The following ATP6V0A4 variants were observed in gnomAD, a reference collection of about 807,000 sequenced individuals.
ATP6V0A4 encodes the protein ATPase H+ transporting V0 subunit a4.
ATP6V0A4 carries 86 observed loss-of-function variants against 107.3 expected under a neutral mutation model. The ratio of observed to expected loss-of-function variants is 0.80; its 90% confidence interval spans 0.67 to 0.96. The LOEUF is 0.96. Among genes scored for constraint, ATP6V0A4 ranks in the 40% least tolerant of loss-of-function variants. ATP6V0A4 has a pLI of 0.00. For synonymous variants in ATP6V0A4, 353 were observed against 381.4 expected, an observed-to-expected ratio of 0.93 and a Z score of 0.87; for missense variants, 908 against 1,045.6, an observed-to-expected ratio of 0.87 and a Z score of 1.81.
intron 10 of ATP6V0A4, among the ~76,000 whole-genome samples, chr7:138,754,467 A>G (rs1806407630): frequency 6.7e-6 from 1 of 148,766 alleles, no homozygotes; most frequent in East Asian, 2.1e-4. Flanking sequence ...AAAAAAAAAA[A>G]TTAAACACAG....
chr7:138,785,180 C>T (rs1195345892), intron 2 of ATP6V0A4, among the ~76,000 whole-genome samples: 1 of 152,058 alleles, frequency 6.6e-6, no homozygotes, highest in African/African-American at 2.4e-5. Flanking sequence ...CTAAAAAGAG[C>T]ATCTGATTTT....
At chr7:138,785,449 G>C (rs1356571128) in intron 2 of ATP6V0A4, among the ~76,000 whole-genome samples, 1 of 151,746 alleles carries the variant, frequency 6.6e-6, no homozygotes, top group East Asian at 1.9e-4. Flanking sequence ...TTAATTTTTT[G>C]TATTTTTAGT....
rs1022723650 is a variant in ATP6V0A4 at position 138,747,523 on chromosome 7, T to C, written c.1222A>G (p.Met408Val). ...IITFPFLFAV[M>V]FGDCGHGTVM... ...GTTCCATGACCACAGTCTCCAAACA[T>C]CACAGCGAACAGGAAGGGGAAAGTG... is the stretch of plus-strand genomic sequence containing the variant. The change falls in exon 13 of 22, where the codon ATG becomes GTG. Residue 408 changes from methionine to valine, a missense_variant. By Grantham distance (21) the Met-to-Val change is conservative. Transcript: ENST00000310018. 13 of 1,613,880 alleles carry C rather than the reference T, an allele frequency of 8.1e-6. No homozygotes were observed. Among genetic ancestry groups the C allele is most frequent in the Non-Finnish European group, 1.0e-5 (12 of 1,180,012 alleles).
intron 19 of ATP6V0A4, among the ~76,000 whole-genome samples, chr7:138,718,416 G>T (rs1158038261): frequency 1.6e-5 from 2 of 123,092 alleles, no homozygotes; most frequent in African/African-American, 6.3e-5. Context: ...AGGAAGGGGG[G>T]GCGTGCAGTC....
intron 20 of ATP6V0A4, among the ~76,000 whole-genome samples, chr7:138,710,284 C>A (rs562556240): frequency 6.6e-6 from 1 of 151,594 alleles, no homozygotes; most frequent in Non-Finnish European, 1.5e-5. Context: ...CTCTACCTCC[C>A]GAGTTCAAGC....
intron 2 of ATP6V0A4, among the ~76,000 whole-genome samples, chr7:138,782,802 T>C (rs1413791844): frequency 6.6e-6 from 1 of 152,038 alleles, no homozygotes. Flanking sequence ...TGGCTGGGCA[T>C]GGTGGCTCAC....
At chr7:138,741,337 G>A (rs771369068) in intron 14 of ATP6V0A4, among the ~76,000 whole-genome samples, 27 of 152,074 alleles carry the variant, frequency 1.8e-4, no homozygotes, top group Non-Finnish European at 3.1e-4. Flanking sequence ...GCAGCTGACC[G>A]TGACTCGCTT....
chr7:138,769,278 A>C, intron 3 of ATP6V0A4, 27 bp from the exon 4 acceptor site: 1 of 1,601,984 alleles, frequency 6.2e-7, no homozygotes, highest in South Asian at 1.1e-5. Flanking sequence ...CACAAGATAC[A>C]TGTTAGTAGC....
intron 11 of ATP6V0A4, among the ~76,000 whole-genome samples, chr7:138,750,935 A>C (rs1166034625): frequency 1.3e-5 from 2 of 152,102 alleles, no homozygotes; most frequent in South Asian, 2.1e-4. Context: ...GGGGATAAAG[A>C]AAGCTCCCAC....
rs143212041 is a variant in ATP6V0A4 at position 138,766,027 on chromosome 7, C to T, written c.291+2753G>A. ...TTGGCCTCCCAAAGTGCTGGGATTA[C>T]AGGCATGAGCCACCATGGCCAGCCC... On this transcript the variant is annotated intron_variant, in intron 5 of 21. Coordinates refer to ENST00000310018, the MANE Select transcript of ATP6V0A4 (RefSeq NM_020632.3). Among the ~76,000 whole-genome samples, 371 of 152,220 alleles carry T rather than the reference C, an allele frequency of 2.4e-3. 1 individual carries two copies. The highest frequency in any genetic ancestry group is 0.012 in the East Asian group (64 of 5,172).
chr7:138,776,328 C>A (rs1807656810), intron 2 of ATP6V0A4, among the ~76,000 whole-genome samples: 1 of 152,162 alleles, frequency 6.6e-6, no homozygotes, highest in Admixed American at 6.5e-5. Context: ...TGCTCTGTAC[C>A]CTGGAGGAAA....
At chr7:138,711,981 G>A (rs1215675606) in intron 20 of ATP6V0A4, among the ~76,000 whole-genome samples, 1 of 152,152 alleles carries the variant, frequency 6.6e-6, no homozygotes, top group Non-Finnish European at 1.5e-5. Context: ...CACCCAGGCT[G>A]GAGTGCAGTG....
intron 15 of ATP6V0A4, among the ~76,000 whole-genome samples, chr7:138,737,128 G>T (rs996307228): frequency 2.9e-3 from 166 of 57,708 alleles, no homozygotes; most frequent in East Asian, 0.014. Flanking sequence ...ATATATATAT[G>T]ATACAAACTA....
chr7:138,757,367 T>A (rs1806563648), intron 8 of ATP6V0A4, among the ~76,000 whole-genome samples: 1 of 152,004 alleles, frequency 6.6e-6, no homozygotes, highest in Non-Finnish European at 1.5e-5. Context: ...AATACAAGAA[T>A]TAGCTGAGTG....
chr7:138,729,429 T>C (rs1477212160), intron 17 of ATP6V0A4, among the ~76,000 whole-genome samples: 2 of 152,214 alleles, frequency 1.3e-5, no homozygotes, highest in Admixed American at 1.3e-4. Context: ...ATCCCTTCCA[T>C]GTGGGCAATT....
intron 2 of ATP6V0A4, 120 bp from the exon 3 acceptor site, chr7:138,771,384 T>C: frequency 5.8e-6 from 7 of 1,197,860 alleles, no homozygotes; most frequent in Non-Finnish European, 6.9e-6. Flanking sequence ...TAGGAATCAC[T>C]TCTGATTTTA....
rs779473960 is a variant in ATP6V0A4 at position 138,706,334 on chromosome 7, A to C, written c.*290T>G. ...TTTATTTTCTCAAATACAATATTTAAAATATTGCAAGAAGACATCTGTTTA... is the reference window on the plus strand; with the variant it reads ...TTTATTTTCTCAAATACAATATTTACAATATTGCAAGAAGACATCTGTTTA... On this transcript the variant is annotated 3_prime_UTR_variant, in exon 22 of 22. Transcript: ENST00000310018. 3.2e-5 allele frequency: 13 copies of C among 405,758 alleles called. No homozygotes were observed. The highest frequency in any genetic ancestry group is 7.2e-5 in the Admixed American group (2 of 27,870). 25.1% of individuals were successfully genotyped at this position (405,758 alleles called of 1,614,324 possible). A position where few individuals can be genotyped will look rare whatever the true frequency, so the allele number is the denominator to read the frequency against.
chr7:138,774,827 A>G (rs975437374), intron 2 of ATP6V0A4, among the ~76,000 whole-genome samples: 1 of 152,058 alleles, frequency 6.6e-6, no homozygotes, highest in Non-Finnish European at 1.5e-5. Context: ...TCAAAGGAAA[A>G]TAGAAGACTC....
chr7:138,745,367 T>C, intron 13 of ATP6V0A4, 87 bp from the exon 14 acceptor site: 5 of 1,593,556 alleles, frequency 3.1e-6, no homozygotes, highest in Middle Eastern at 1.7e-4. Context: ...ATCTCCAGCA[T>C]CACCGGTGCA....
Sources: allele counts gnomAD v4.1 joint callset (sites outside exome capture counted in the v4.1 genomes callset), GRCh38; gene constraint gnomAD v4.1.1; transcripts MANE v1.5; gene names NCBI Gene and HGNC (gene_info 2026-07-23, HGNC 2026-07-21).